The following ARHGAP15 variants were observed in gnomAD, a reference collection of about 807,000 sequenced individuals.
ARHGAP15 encodes the protein Rho GTPase activating protein 15.
Under a neutral mutation model 63.7 loss-of-function variants are expected in ARHGAP15, and 51 were observed. The observed-to-expected ratio is 0.80, with a 90% CI of 0.64 to 1.01. ARHGAP15 has a LOEUF of 1.01. Among genes scored for constraint, ARHGAP15 ranks in the 50% least tolerant of loss-of-function variants. ARHGAP15 has a pLI of 0.00. For missense variants in ARHGAP15, 560 were observed against 564.6 expected (o/e 0.99, Z 0.08); for synonymous variants, 191 against 193.8 (o/e 0.99, Z 0.12).
chr2:143,224,505 T>C (rs1044428152), intron 4 of ARHGAP15, among the ~76,000 whole-genome samples: 1 of 152,166 alleles, frequency 6.6e-6, no homozygotes, highest in Non-Finnish European at 1.5e-5. Flanking sequence ...GCTTGGGGCA[T>C]AGAGGGACTT....
intron 10 of ARHGAP15, among the ~76,000 whole-genome samples, chr2:143,539,908 G>C (rs1470991777): frequency 2.0e-5 from 3 of 152,048 alleles, no homozygotes; most frequent in African/African-American, 7.2e-5. Context: ...GCTTGGTGCA[G>C]AGCTGAGTTC....
intron 6 of ARHGAP15, among the ~76,000 whole-genome samples, chr2:143,322,442 G>A (rs1402392550): frequency 5.9e-5 from 9 of 152,160 alleles, no homozygotes; most frequent in Non-Finnish European, 1.2e-4. Context: ...CTTGTGAAAT[G>A]AATGGCACAG....
intron 12 of ARHGAP15, among the ~76,000 whole-genome samples, chr2:143,681,879 A>C (rs553085807): frequency 2.0e-5 from 3 of 152,202 alleles, no homozygotes; most frequent in African/African-American, 7.2e-5. Flanking sequence ...TTGGTGCCCT[A>C]TTCATAGTGT....
At chr2:143,238,554 T>G (rs1306514892) in intron 5 of ARHGAP15, among the ~76,000 whole-genome samples, 3 of 152,002 alleles carry the variant, frequency 2.0e-5, no homozygotes, top group Admixed American at 6.6e-5. Context: ...CAGGTGCTGG[T>G]GAGGTTGCAG....
intron 11 of ARHGAP15, among the ~76,000 whole-genome samples, chr2:143,566,239 G>A (rs1378033227): frequency 1.3e-5 from 2 of 152,178 alleles, no homozygotes; most frequent in African/African-American, 4.8e-5. Flanking sequence ...GGACCCACTG[G>A]AGAGGTGGTG....
intron 8 of ARHGAP15, among the ~76,000 whole-genome samples, chr2:143,485,469 C>T (rs1159543561): frequency 1.3e-5 from 2 of 152,048 alleles, no homozygotes; most frequent in Admixed American, 6.5e-5. Flanking sequence ...GATATATAGA[C>T]ATTTATTTTT....
intron 2 of ARHGAP15, among the ~76,000 whole-genome samples, chr2:143,186,640 A>C (rs1691458591): frequency 6.6e-6 from 1 of 152,166 alleles, no homozygotes; most frequent in South Asian, 2.1e-4. Context: ...CATTTCCCTG[A>C]AAATATCCCC....
intron 6 of ARHGAP15, among the ~76,000 whole-genome samples, chr2:143,334,422 C>T (rs144976760): frequency 2.0e-5 from 3 of 152,150 alleles, no homozygotes; most frequent in Non-Finnish European, 4.4e-5. Context: ...TTGTTAGATG[C>T]CAACTGTTGC....
At chr2:143,706,985 G>C (rs1016271038) in intron 13 of ARHGAP15, among the ~76,000 whole-genome samples, 1 of 152,176 alleles carries the variant, frequency 6.6e-6, no homozygotes, top group African/African-American at 2.4e-5. Flanking sequence ...GATGAAGTTA[G>C]TGGGAAGGAG....
intron 5 of ARHGAP15, among the ~76,000 whole-genome samples, chr2:143,247,992 T>C (rs1694109042): frequency 6.6e-6 from 1 of 152,208 alleles, no homozygotes; most frequent in African/African-American, 2.4e-5. Flanking sequence ...ACAACAACTA[T>C]GTGCCAGGCA....
intron 8 of ARHGAP15, among the ~76,000 whole-genome samples, chr2:143,451,723 C>A (rs1243904393): frequency 6.6e-6 from 1 of 151,880 alleles, no homozygotes; most frequent in Non-Finnish European, 1.5e-5. Flanking sequence ...CTGTGTTTTT[C>A]TTAAACTGAA....
intron 12 of ARHGAP15, among the ~76,000 whole-genome samples, chr2:143,701,832 C>T (rs1182126894): frequency 6.6e-6 from 1 of 152,218 alleles, no homozygotes; most frequent in South Asian, 2.1e-4. Context: ...CTCCACAGAG[C>T]TTCAGTTCCC....
chr2:143,330,132 C>CAAAAAA (rs367621500), intron 6 of ARHGAP15, among the ~76,000 whole-genome samples: 1 of 48,932 alleles, frequency 2.0e-5, no homozygotes, highest in Non-Finnish European at 4.1e-5. Flanking sequence ...AAAAAAAAAA[C>CAAAAAA]CAAAAACAAA....
At chr2:143,470,771 C>G (rs184124244) in intron 8 of ARHGAP15, among the ~76,000 whole-genome samples, 4 of 149,840 alleles carry the variant, frequency 2.7e-5, no homozygotes, top group Non-Finnish European at 5.9e-5. Context: ...TCTTGTCAGT[C>G]ATTCATCCTA....
chr2:143,600,856 T>C (rs1209308223), intron 11 of ARHGAP15, among the ~76,000 whole-genome samples: 1 of 152,218 alleles, frequency 6.6e-6, no homozygotes, highest in African/African-American at 2.4e-5. Context: ...GTATTTTTTA[T>C]TACAATCTAA....
intron 6 of ARHGAP15, among the ~76,000 whole-genome samples, chr2:143,361,680 AT>A (rs1009108545): frequency 1.3e-5 from 2 of 152,058 alleles, no homozygotes; most frequent in African/African-American, 4.8e-5. Context: ...GGACTTTGGG[AT>A]TTAAAAAAAA....
At chr2:143,188,810 G>T (rs990151556) in intron 2 of ARHGAP15, among the ~76,000 whole-genome samples, 2 of 151,882 alleles carry the variant, frequency 1.3e-5, no homozygotes, top group African/African-American at 4.8e-5. Context: ...ATCTTTAGTA[G>T]AGATGGGGTT....
Position 143,341,711 on chromosome 2 carries a change from GA to G in ARHGAP15, c.474+91113del, listed in dbSNP as rs567948781. Among the ~76,000 whole-genome samples, 94 of 151,998 alleles carry G rather than the reference GA, an allele frequency of 6.2e-4. 1 individual carries two copies. The highest frequency in any genetic ancestry group is 2.1e-3 in the African/African-American group (88 of 41,472). On this transcript the variant is annotated intron_variant, in intron 6 of 13. Coordinates refer to ENST00000295095, the MANE Select transcript of ARHGAP15 (RefSeq NM_018460.4). ...CATTAATGCTAAATTACAACATATAGAATGTCTCCCAATGATTTCCAACCAA... is the reference window on the plus strand; with the variant it reads ...CATTAATGCTAAATTACAACATATAGATGTCTCCCAATGATTTCCAACCAA...
At chr2:143,412,517 A>T (rs1259832346) in intron 6 of ARHGAP15, among the ~76,000 whole-genome samples, 1 of 152,152 alleles carries the variant, frequency 6.6e-6, no homozygotes, top group Non-Finnish European at 1.5e-5. Flanking sequence ...TTCTTGTGAA[A>T]ATTACTTTTA....
Sources: gnomAD v4.1 joint callset for allele counts (sites outside exome capture counted in the v4.1 genomes callset) on GRCh38, gnomAD v4.1.1 for gene constraint, MANE v1.5 for transcripts, NCBI Gene and HGNC (gene_info 2026-07-23, HGNC 2026-07-21) for gene names.